Variants in PCDHGB6 observed in about 807,000 individuals in gnomAD.
PCDHGB6 encodes the protein protocadherin gamma subfamily B, 6.
A neutral mutation model predicts 59.1 loss-of-function variants in PCDHGB6; 51 were observed. The observed-to-expected ratio is 0.86, with a 90% confidence interval of 0.69 to 1.09. PCDHGB6 has a LOEUF of 1.09. Among genes scored for constraint, PCDHGB6 ranks in the 50% least tolerant of loss-of-function variants. PCDHGB6 has a pLI of 0.00. For missense variants in PCDHGB6, 1,148 were observed against 1,205.1 expected, an observed-to-expected ratio of 0.95 and a Z score of 0.70; for synonymous variants, 466 against 495.1, an observed-to-expected ratio of 0.94 and a Z score of 0.78.
At chr5:141,414,811 C>T in intron 1 of PCDHGB6, 3 of 1,614,254 alleles carry the variant, frequency 1.9e-6, no homozygotes, top group Non-Finnish European at 2.5e-6. Context: ...GGATCCTCCA[C>T]TCAGCAGCAA....
rs759809591 is a variant in PCDHGB6 at position 141,511,048 on chromosome 5, C to T, written c.2668C>T (p.Arg890Cys). The change falls in exon 4 of 4, where the codon CGC becomes TGC. Residue 890 changes from arginine (R) to cysteine (C), a missense_variant. This residue lies in a region of PCDHGB6 where 283 missense variants were observed against 318.6 expected (regional missense o/e 0.89). Coordinates refer to ENST00000520790, the MANE Select transcript of PCDHGB6 (RefSeq NM_018926.3). ...QFTLQHVPDY[R>C]QNVYIPGSNA... ...CACCCTGCAGCACGTGCCCGACTAC[C>T]GCCAGAATGTCTACATCCCAGGCAG... 9 of 1,614,224 alleles carry T rather than the reference C, an allele frequency of 5.6e-6. No individual in the cohort carries two copies. The highest frequency in any genetic ancestry group is 1.7e-5 in the Admixed American group (1 of 60,034).
At chr5:141,467,005 G>A (rs1365805332) in intron 1 of PCDHGB6, among the ~76,000 whole-genome samples, 3 of 150,724 alleles carry the variant, frequency 2.0e-5, no homozygotes, top group Non-Finnish European at 4.4e-5. Flanking sequence ...TTTTTGCAAT[G>A]CAATTTTTTT....
intron 1 of PCDHGB6, among the ~76,000 whole-genome samples, chr5:141,436,383 G>C (rs1374382672): frequency 6.6e-6 from 1 of 152,104 alleles, no homozygotes; most frequent in Admixed American, 6.5e-5. Context: ...AGCTGAATAG[G>C]CTTTATTAAA....
chr5:141,419,705 C>A, intron 1 of PCDHGB6: 1 of 1,613,038 alleles, frequency 6.2e-7, no homozygotes, highest in South Asian at 1.1e-5. Flanking sequence ...TGAGCCCGGG[C>A]TCTTCAGCCT....
chr5:141,465,801 C>T (rs1380215288), intron 1 of PCDHGB6, among the ~76,000 whole-genome samples: 2 of 151,400 alleles, frequency 1.3e-5, no homozygotes, highest in Non-Finnish European at 2.9e-5. Context: ...TTAAGAAACC[C>T]TTCAGGATCT....
chr5:141,486,162 T>G lies in PCDHGB6; in HGVS notation c.2419-8645T>G, dbSNP rs763023343. ...GCTCGCGATGGGGGTTCTCCAGCCA[T>G]GGAGCAACATTGCAGCCTTCGAGTG... On this transcript the variant is annotated intron_variant, in intron 1 of 3. Coordinates refer to ENST00000520790, the MANE Select transcript of PCDHGB6 (RefSeq NM_018926.3). The surrounding 1 kb of genome is among the most constrained non-coding windows in gnomAD (Gnocchi z 5.0). The G allele has an allele frequency of 6.2e-7, 1 of 1,614,170 alleles. No individual in the cohort carries two copies. Among genetic ancestry groups the G allele is most frequent in the Non-Finnish European group, 8.5e-7 (1 of 1,180,026 alleles).
Position 141,491,279 on chromosome 5 carries a change from T to G in PCDHGB6, c.2419-3528T>G. 1 of 1,614,110 alleles carries G rather than the reference T, an allele frequency of 6.2e-7. No individual in the cohort carries two copies. The highest frequency in any genetic ancestry group is 2.2e-5 in the East Asian group (1 of 44,878). ...GAGGAAATGCCCAAATCCAGTGACT[T>G]CCTCATACACCCTCCTGAGCGTTCA... On this transcript the variant is annotated intron_variant, in intron 1 of 3. Transcript: ENST00000520790. The surrounding 1 kb of genome is among the most constrained non-coding windows in gnomAD (Gnocchi z 6.9).
At chr5:141,422,865 C>A in intron 1 of PCDHGB6, 6 of 1,614,244 alleles carry the variant, frequency 3.7e-6, no homozygotes, top group Non-Finnish European at 5.1e-6. Flanking sequence ...TCAGCAGCAA[C>A]GTGTCGCTGA....
At chr5:141,447,232 C>T (rs988057696) in intron 1 of PCDHGB6, among the ~76,000 whole-genome samples, 3 of 152,062 alleles carry the variant, frequency 2.0e-5, no homozygotes, top group East Asian at 1.9e-4. Flanking sequence ...CTCCGCCTCC[C>T]GGGTTCAAGT....
chr5:141,444,545 CA>C (rs1264288836), intron 1 of PCDHGB6, among the ~76,000 whole-genome samples: 7 of 152,042 alleles, frequency 4.6e-5, no homozygotes, highest in Admixed American at 6.6e-5. Flanking sequence ...GTCTAGTGAG[CA>C]AAAGGCACTT....
Position 141,477,685 on chromosome 5 carries a change from G to A in PCDHGB6, c.2419-17122G>A, listed in dbSNP as rs1218415502. ...ACAATGGCATAGTGTCATCCTTAGT[G>A]CCCCTAGACTATGAGGATCGGCGGG... On this transcript the variant is annotated intron_variant, in intron 1 of 3. Transcript: ENST00000520790. This position sits in a 1 kb window ranked among gnomAD's most constrained non-coding sequence, Gnocchi z 4.9. The A allele has an allele frequency of 6.2e-7, 1 of 1,614,116 alleles. No individual in the cohort carries two copies. The highest frequency in any genetic ancestry group is 8.5e-7 in the Non-Finnish European group (1 of 1,180,040).
At chr5:141,422,911 G>A (rs375046528) in intron 1 of PCDHGB6, 5 of 1,614,118 alleles carry the variant, frequency 3.1e-6, no homozygotes, top group African/African-American at 2.7e-5. Flanking sequence ...CAATGCGCCC[G>A]AGATCCTGTA....
chr5:141,419,729 G>T (rs1436631336), intron 1 of PCDHGB6: 1 of 1,613,758 alleles, frequency 6.2e-7, no homozygotes, highest in Admixed American at 1.7e-5. Context: ...GCTGCGAACA[G>T]GCGAGGTGCG....
At position 141,409,103 on chromosome 5, in the gene PCDHGB6, A is replaced by G. The variant is rs750657192; in HGVS notation, c.901A>G (p.Ile301Val). The G allele has an allele frequency of 6.8e-6, 11 of 1,613,926 alleles. No individual in the cohort carries two copies. Among genetic ancestry groups the G allele is most frequent in the Non-Finnish European group, 9.3e-6 (11 of 1,179,900 alleles). The change falls in exon 1 of 4, where the codon ATT becomes GTT. Residue 301 changes from isoleucine to valine, a missense_variant. Physicochemically the swap from Ile to Val is conservative, Grantham distance 29. Coordinates refer to ENST00000520790, the MANE Select transcript of PCDHGB6 (RefSeq NM_018926.3). ...CTCATTGGATGAGAAAACAGGTATG[A>G]TTAAGAATAACCAGTCATTTGATTT... The part of the protein sequence containing the change: ...MFSLDEKTGM[I>V]KNNQSFDFED...
At chr5:141,416,287 T>A (rs2096012467) in intron 1 of PCDHGB6, 1 of 152,276 alleles carries the variant, frequency 6.6e-6, no homozygotes, top group Admixed American at 6.5e-5. Flanking sequence ...ATTCTCTAAT[T>A]TCACACTGCT....
At position 141,486,134 on chromosome 5, in the gene PCDHGB6, C is replaced by T; in HGVS notation, c.2419-8673C>T. 6.2e-7 allele frequency: 1 copy of T among 1,614,168 alleles called. No homozygotes were observed. ...TGAGAATTACTATGAATTTGATGTG[C>T]GGGCTCGCGATGGGGGTTCTCCAGC... On this transcript the variant is annotated intron_variant, in intron 1 of 3. Coordinates refer to ENST00000520790, the MANE Select transcript of PCDHGB6 (RefSeq NM_018926.3). The surrounding 1 kb of genome is among the most constrained non-coding windows in gnomAD (Gnocchi z 5.0).
chr5:141,477,260 G>A lies in PCDHGB6; in HGVS notation c.2419-17547G>A. On this transcript the variant is annotated intron_variant, in intron 1 of 3. Coordinates refer to ENST00000520790, the MANE Select transcript of PCDHGB6 (RefSeq NM_018926.3). This position sits in a 1 kb window ranked among gnomAD's most constrained non-coding sequence, Gnocchi z 4.9. ...GCTCAGTGTGACTGACCTGGATGCTGGCGAGAACGGGCTGGTGACCTGCGA... is the reference window on the plus strand; with the variant it reads ...GCTCAGTGTGACTGACCTGGATGCTAGCGAGAACGGGCTGGTGACCTGCGA... 6.2e-7 allele frequency: 1 copy of A among 1,614,200 alleles called. No homozygotes were observed. Among genetic ancestry groups the A allele is most frequent in the Non-Finnish European group, 8.5e-7 (1 of 1,180,048 alleles).
In PCDHGB6 at chr5:141,450,548, G is replaced by A. The variant is rs186010209; in HGVS notation, c.2418+39928G>A. 3.3e-4 allele frequency among the ~76,000 whole-genome samples: 50 copies of A among 151,716 alleles called. 1 individual carries two copies. Among genetic ancestry groups the A allele is most frequent in the African/African-American group, 9.9e-4 (41 of 41,366 alleles). On this transcript the variant is annotated intron_variant, in intron 1 of 3. Transcript: ENST00000520790. ...GTCACCCAGGCTGGAATGCAGTGGC[G>A]CAGTCTCGGCTCACTGCAACTTCTG... is the stretch of plus-strand genomic sequence containing the variant.
At position 141,476,247 on chromosome 5, in the gene PCDHGB6, G is replaced by C. The variant is rs1439421662; in HGVS notation, c.2419-18560G>C. 1 of 1,614,042 alleles carries C rather than the reference G, an allele frequency of 6.2e-7. No individual in the cohort carries two copies. Among genetic ancestry groups the C allele is most frequent in the Non-Finnish European group, 8.5e-7 (1 of 1,180,010 alleles). ...GAGATCCCGGAGGAAAGAGAGAAGG[G>C]TTTCGCTGTGGGCAACGTGGTCGCG... On this transcript the variant is annotated intron_variant, in intron 1 of 3. Coordinates refer to ENST00000520790, the MANE Select transcript of PCDHGB6 (RefSeq NM_018926.3). The surrounding 1 kb of genome is among the most constrained non-coding windows in gnomAD (Gnocchi z 7.6).
Sources: gnomAD v4.1 joint callset for allele counts (sites outside exome capture counted in the v4.1 genomes callset) on GRCh38, gnomAD v4.1.1 for gene constraint, gnomAD v4.1.1 regional missense constraint, Gnocchi (gnomAD v3.1) non-coding constraint, MANE v1.5 for transcripts, NCBI Gene and HGNC (gene_info 2026-07-23, HGNC 2026-07-21) for gene names.